DOCK9: variants seen among roughly 807,000 people sequenced by gnomAD.
DOCK9 encodes the protein dedicator of cytokinesis 9, also known as dedicator of cytokinesis protein 9.
A neutral mutation model predicts 263.3 loss-of-function variants in DOCK9; 89 were observed. That is an observed-to-expected ratio of 0.34 (90% CI 0.28 to 0.40). DOCK9 has a LOEUF of 0.40. Ranked by LOEUF, DOCK9 falls within the 10% of genes least tolerant of loss-of-function variation. The pLI is 1.00. For missense variants in DOCK9, 2,140 were observed against 2,603.4 expected (o/e 0.82, Z 3.87); for synonymous variants, 976 against 973.1 (o/e 1.00, Z -0.06).
Position 98,883,077 on chromosome 13 carries a change from G to A in DOCK9, c.2524C>T (p.Gln842Ter). ...QYCQKTESGA[Q>*]ALGNELVKYL... The stretch of plus-strand genomic sequence containing the variant: ...TTTACAAGTTCGTTTCCTAAGGCTT[G>A]GGCTCCAGATTCGGTTTTCTGACAG... The change falls in exon 23 of 53, where the codon CAA (glutamine) becomes TAA (stop). Residue 842 changes from glutamine to a stop codon, truncating the protein, a stop_gained. Transcript: ENST00000682017. LOFTEE classifies it high-confidence loss of function. The A allele has an allele frequency of 6.2e-7, 1 of 1,613,852 alleles. No homozygotes were observed. Among genetic ancestry groups the A allele is most frequent in the Non-Finnish European group, 8.5e-7 (1 of 1,179,838 alleles).
At chr13:98,836,418 T>C (rs1264500537) in intron 39 of DOCK9, among the ~76,000 whole-genome samples, 1 of 152,202 alleles carries the variant, frequency 6.6e-6, no homozygotes, top group African/African-American at 2.4e-5. Flanking sequence ...ATGTTTCTAG[T>C]AGAGGCACTG....
intron 27 of DOCK9, among the ~76,000 whole-genome samples, chr13:98,870,630 C>T (rs2142179327): frequency 6.6e-6 from 1 of 152,176 alleles, no homozygotes; most frequent in East Asian, 1.9e-4. Flanking sequence ...ACCATGTAAA[C>T]CTATTAATCA....
chr13:98,929,809 T>C (rs1194589061), intron 3 of DOCK9, among the ~76,000 whole-genome samples: 2 of 152,068 alleles, frequency 1.3e-5, no homozygotes, highest in Non-Finnish European at 2.9e-5. Flanking sequence ...GTGTCACCCT[T>C]AAAAACAGTA....
chr13:98,859,376 A>G (rs2093789616), intron 33 of DOCK9: 1 of 152,234 alleles, frequency 6.6e-6, no homozygotes, highest in African/African-American at 2.4e-5. Context: ...AAAAAGACAC[A>G]TAAATATCAA....
chr13:99,018,537 A>T (rs1467492419), intron 1 of DOCK9, among the ~76,000 whole-genome samples: 3 of 121,462 alleles, frequency 2.5e-5, no homozygotes, highest in Non-Finnish European at 5.7e-5. Flanking sequence ...ACTTGTGCCA[A>T]ATTTTAAGTA....
At chr13:98,937,018 T>C (rs1226679979) in intron 2 of DOCK9, among the ~76,000 whole-genome samples, 3 of 152,244 alleles carry the variant, frequency 2.0e-5, no homozygotes, top group Non-Finnish European at 4.4e-5. Context: ...CATTCTTTTC[T>C]ACTTTTCTAT....
At chr13:98,918,391 C>T (rs1344666517) in intron 7 of DOCK9, among the ~76,000 whole-genome samples, 1 of 151,590 alleles carries the variant, frequency 6.6e-6, no homozygotes, top group Non-Finnish European at 1.5e-5. Context: ...CCAGAAAGAT[C>T]CACCGAGTCA....
intron 47 of DOCK9, chr13:98,808,698 A>T: frequency 6.6e-7 from 1 of 1,516,174 alleles, no homozygotes; most frequent in Non-Finnish European, 9.1e-7. Flanking sequence ...AAAAGACAAT[A>T]ACAGAATAAA....
chr13:99,049,247 C>G (rs1276114417), intron 1 of DOCK9, among the ~76,000 whole-genome samples: 1 of 152,140 alleles, frequency 6.6e-6, no homozygotes, highest in African/African-American at 2.4e-5. Flanking sequence ...ATCCACATAC[C>G]TTATCACCCC....
Position 98,863,698 on chromosome 13 carries a change from G to C in DOCK9, c.3287-150C>G, listed in dbSNP as rs552747421. On this transcript the variant is annotated intron_variant, in intron 30 of 52. Transcript: ENST00000682017. ...GAGATGATCAGACTTGGCTTCAAAT[G>C]AGAAAGAATCAATTCTACAAGGCTG... The C allele has an allele frequency of 7.6e-6, 6 of 789,680 alleles. No homozygotes were observed. The African/African-American group carries it at 1.0e-4, about 14-fold the overall frequency. The allele number at this position is 789,680 out of a possible 1,614,324, so 48.9% of individuals were successfully genotyped here.
rs767466052 is a variant in DOCK9 at position 98,977,955 on chromosome 13, G to GC, written c.-47dup. On this transcript the variant is annotated 5_prime_UTR_variant, in exon 1 of 53. An upstream open reading frame in the 5' UTR loses its in-frame stop. Transcript: ENST00000682017. ...CAGAAAGTCTGCAACTGGAACAGCT[G>GC]CGAGTCCCTGGCCGTGCAAGGCACA... is the stretch of plus-strand genomic sequence containing the variant. The GC allele has an allele frequency of 1.6e-5, 24 of 1,538,858 alleles. No homozygotes were observed. The African/African-American group carries it at 3.3e-4, about 21-fold the overall frequency.
rs564745823 is a variant in DOCK9 at position 98,828,116 on chromosome 13, C to T, written c.4965+1191G>A. 2.0e-5 allele frequency among the ~76,000 whole-genome samples: 3 copies of T among 152,302 alleles called. No individual in the cohort carries two copies. In the East Asian group the frequency reaches 5.8e-4, roughly 29 times the overall value. On this transcript the variant is annotated intron_variant, in intron 43 of 52. Transcript: ENST00000682017. ...GGCTACAAGCCAAGGAACATCAAGA[C>T]TGCTGGCAACACAAAGAGCTCAGGG...
chr13:98,898,296 C>T (rs1274965602), intron 13 of DOCK9, 35 bp from the exon 14 acceptor site: 9 of 1,515,322 alleles, frequency 5.9e-6, no homozygotes, highest in Non-Finnish European at 8.2e-6. Flanking sequence ...TGAGATACTG[C>T]ATCTCACTGA....
chr13:99,069,696 CA>C (rs1479182642), intron 1 of DOCK9, among the ~76,000 whole-genome samples: 4 of 152,180 alleles, frequency 2.6e-5, no homozygotes, highest in Non-Finnish European at 4.4e-5. Flanking sequence ...CTTTCATCTC[CA>C]AAAGAATATT....
In DOCK9 at chr13:98,829,860, G is replaced by A. The variant is rs1488549202; in HGVS notation, c.4636-104C>T. The A allele has an allele frequency of 1.3e-5, 12 of 922,268 alleles. No homozygotes were observed. The highest frequency in any genetic ancestry group is 2.9e-5 in the South Asian group (2 of 68,754). 57.1% of individuals were successfully genotyped at this position (922,268 alleles called of 1,614,324 possible). ...TGTGCCTAAGGACCCAGCAAAGTGG[G>A]GGTTGGGGGGTGCTTTGAGCAGGGG... On this transcript the variant is annotated intron_variant, in intron 41 of 52. Transcript: ENST00000682017. The surrounding 1 kb of genome is among the most constrained non-coding windows in gnomAD (Gnocchi z 4.1).
At chr13:98,980,697 T>C (rs1461577005), upstream of DOCK9, among the ~76,000 whole-genome samples, 1 of 152,220 alleles carries the variant, frequency 6.6e-6, no homozygotes, top group Non-Finnish European at 1.5e-5. Context: ...TCAGGGCTTT[T>C]GCTGTGTGAT....
chr13:99,053,590 A>G (rs1157308939), intron 1 of DOCK9, among the ~76,000 whole-genome samples: 2 of 152,236 alleles, frequency 1.3e-5, no homozygotes, highest in Admixed American at 1.3e-4. Context: ...ACTTTCTGAG[A>G]CAAGGAGAAA....
At chr13:98,912,876 C>A (rs906031248) in intron 9 of DOCK9, among the ~76,000 whole-genome samples, 24 of 152,096 alleles carry the variant, frequency 1.6e-4, no homozygotes, top group Non-Finnish European at 2.9e-5. Context: ...AAACTAAAAC[C>A]CAAATGGGCA....
At chr13:98,862,730 A>G (rs1785715003) in intron 32 of DOCK9, among the ~76,000 whole-genome samples, 1 of 152,034 alleles carries the variant, frequency 6.6e-6, no homozygotes, top group Non-Finnish European at 1.5e-5. Context: ...AGAGGCACAA[A>G]CACCATGGAG....
Sources: gnomAD v4.1 joint callset for allele counts (sites outside exome capture counted in the v4.1 genomes callset) on GRCh38, gnomAD v4.1.1 for gene constraint, Gnocchi (gnomAD v3.1) non-coding constraint, MANE v1.5 for transcripts, NCBI Gene and HGNC (gene_info 2026-07-23, HGNC 2026-07-21) for gene names.